The following EPHX2 variants were observed in gnomAD, a reference collection of about 807,000 sequenced individuals.
The protein encoded by EPHX2 is bifunctional epoxide hydrolase 2.
In EPHX2, 74 loss-of-function variants were observed where a neutral mutation model predicts 78.7. The observed-to-expected ratio is 0.94, with a 90% CI of 0.78 to 1.14. EPHX2 has a LOEUF of 1.14. EPHX2 is among the 50% of genes most tolerant of loss of function. EPHX2 has a pLI of 0.00. For missense variants in EPHX2, 715 were observed against 702.5 expected (o/e 1.02, Z -0.20); for synonymous variants, 251 against 255.2 (o/e 0.98, Z 0.16).
chr8:27,521,030 T>G, intron 10 of EPHX2, 121 bp downstream of exon 10: 4 of 1,147,248 alleles, frequency 3.5e-6, no homozygotes, highest in Non-Finnish European at 5.2e-6. Flanking sequence ...TGGGGCAGTT[T>G]AGGGCAGAGT....
At chr8:27,514,719 G>T (rs1357426993) in intron 6 of EPHX2, among the ~76,000 whole-genome samples, 1 of 152,050 alleles carries the variant, frequency 6.6e-6, no homozygotes, top group Non-Finnish European at 1.5e-5. Flanking sequence ...GGGAGGCCAC[G>T]CACAGGAGGT....
chr8:27,503,511 G>A (rs1424294953), intron 2 of EPHX2, 93 bp from the exon 3 acceptor site: 1 of 1,375,342 alleles, frequency 7.3e-7, no homozygotes, highest in Non-Finnish European at 9.8e-7. Flanking sequence ...GGAATTGCTT[G>A]GTCACAGGGA....
At chr8:27,532,058 G>A (rs942537328) in intron 12 of EPHX2, among the ~76,000 whole-genome samples, 6 of 152,098 alleles carry the variant, frequency 3.9e-5, no homozygotes, top group Admixed American at 1.3e-4. Flanking sequence ...AAATTGAGAG[G>A]ATGAGGGAAG....
chr8:27,498,462 T>A (rs1026391634), intron 1 of EPHX2, among the ~76,000 whole-genome samples: 2 of 152,138 alleles, frequency 1.3e-5, no homozygotes, highest in African/African-American at 4.8e-5. Context: ...TTCAGTGGTA[T>A]CTTCTTCCTG....
intron 17 of EPHX2, 82 bp from the exon 18 acceptor site, chr8:27,544,104 G>A: frequency 6.6e-7 from 1 of 1,505,062 alleles, no homozygotes; most frequent in Non-Finnish European, 9.2e-7. Flanking sequence ...CAGAGAGAAG[G>A]CGTCCATTGC....
chr8:27,504,818 A>C (rs1813933968), intron 3 of EPHX2, 138 bp from the exon 4 acceptor site: 1 of 812,832 alleles, frequency 1.2e-6, no homozygotes, highest in South Asian at 1.7e-5. Flanking sequence ...CCAATTTGTC[A>C]GTTGAAAGTT....
chr8:27,530,066 T>A (rs1340779643), intron 12 of EPHX2, among the ~76,000 whole-genome samples: 1 of 125,962 alleles, frequency 7.9e-6, no homozygotes, highest in East Asian at 2.0e-4. Context: ...AGTCTCTCTC[T>A]CTTTTTTTTT....
intron 16 of EPHX2, 146 bp downstream of exon 16, chr8:27,541,688 T>C: frequency 1.3e-6 from 1 of 799,792 alleles, no homozygotes; most frequent in South Asian, 1.6e-5. Flanking sequence ...GTTTGGGAAG[T>C]GACTCCCTTC....
chr8:27,499,542 A>G (rs1813690872), intron 1 of EPHX2, among the ~76,000 whole-genome samples: 1 of 152,138 alleles, frequency 6.6e-6, no homozygotes, highest in Non-Finnish European at 1.5e-5. Flanking sequence ...TTGTTCTGTT[A>G]CTCAGGGCTG....
At chr8:27,543,013 C>G (rs193116977) in intron 16 of EPHX2, among the ~76,000 whole-genome samples, 33 of 135,430 alleles carry the variant, frequency 2.4e-4, no homozygotes, top group Admixed American at 5.8e-4. Flanking sequence ...CTCTCCCCCC[C>G]CCGCCCCCCG....
intron 14 of EPHX2, 93 bp downstream of exon 14, chr8:27,538,785 C>G (rs1410295934): frequency 7.0e-7 from 1 of 1,430,998 alleles, no homozygotes; most frequent in African/African-American, 1.4e-5. Flanking sequence ...AAGCCCTGAG[C>G]TCTCCAGCTC....
At chr8:27,539,555 C>T (rs1441665772) in intron 14 of EPHX2, among the ~76,000 whole-genome samples, 1 of 152,160 alleles carries the variant, frequency 6.6e-6, no homozygotes, top group Non-Finnish European at 1.5e-5. Context: ...CCCACATTCC[C>T]TTATTCCTTC....
chr8:27,502,239 A>G (rs77165157), intron 2 of EPHX2, among the ~76,000 whole-genome samples: 4,102 of 152,292 alleles, frequency 0.027, 187 homozygotes, highest in African/African-American at 0.092. Flanking sequence ...TGTATGAGTG[A>G]GACTCATCGT....
intron 11 of EPHX2, among the ~76,000 whole-genome samples, chr8:27,524,093 C>T (rs1177326288): frequency 6.6e-6 from 1 of 152,024 alleles, no homozygotes; most frequent in East Asian, 1.9e-4. Flanking sequence ...CCAACACGCC[C>T]AGCTAAATTT....
chr8:27,538,294 A>G (rs1477652140), intron 13 of EPHX2, among the ~76,000 whole-genome samples: 1 of 152,168 alleles, frequency 6.6e-6, no homozygotes, highest in Non-Finnish European at 1.5e-5. Context: ...TTTACCATGG[A>G]GGAGCATGGA....
At chr8:27,507,955 CT>C (rs1228250981) in intron 5 of EPHX2, among the ~76,000 whole-genome samples, 19 of 152,230 alleles carry the variant, frequency 1.2e-4, no homozygotes, top group African/African-American at 4.6e-4. Context: ...GTCCTTTAAC[CT>C]TAGTTACCTC....
chr8:27,509,545 A>C (rs2132731485), intron 5 of EPHX2, among the ~76,000 whole-genome samples: 1 of 152,186 alleles, frequency 6.6e-6, no homozygotes, highest in South Asian at 2.1e-4. Flanking sequence ...CCCAGGATCA[A>C]GCGATTTCTG....
Position 27,538,599 on chromosome 8 carries a change from G to A in EPHX2, c.1243-60G>A, listed in dbSNP as rs72477576. 2.9e-3 allele frequency: 4,254 copies of A among 1,490,766 alleles called. 101 individuals carry two copies. The African/African-American group carries it at 0.053, about 19-fold the overall frequency. The allele number at this position is 1,490,766 out of a possible 1,614,324, so 92.3% of individuals were successfully genotyped here. A position where few individuals can be genotyped will look rare whatever the true frequency, so the allele number is the denominator to read the frequency against. Reference sequence around the variant, plus strand: ...TTGTCGTAACAGGGTTTTCAGATGAGCATATTTCCTTTGTATCACCCATGA... The same window carrying A: ...TTGTCGTAACAGGGTTTTCAGATGAACATATTTCCTTTGTATCACCCATGA... On this transcript the variant is annotated intron_variant, in intron 13 of 18. Transcript: ENST00000521400.
At chr8:27,520,310 C>T (rs1814601725) in intron 9 of EPHX2, among the ~76,000 whole-genome samples, 1 of 151,236 alleles carries the variant, frequency 6.6e-6, no homozygotes, top group African/African-American at 2.4e-5. Context: ...GGATTACAGG[C>T]GCCGGCCACC....
Sources: allele counts gnomAD v4.1 joint callset (sites outside exome capture counted in the v4.1 genomes callset), GRCh38; gene constraint gnomAD v4.1.1; transcripts MANE v1.5; gene names NCBI Gene and HGNC (gene_info 2026-07-23, HGNC 2026-07-21).